The following B3GALT1 variants were observed in gnomAD, a reference collection of about 807,000 sequenced individuals.
B3GALT1 encodes beta-1,3-galactosyltransferase 1.
Under a neutral mutation model 23.2 loss-of-function variants are expected in B3GALT1, and 10 were observed. The ratio of observed to expected loss-of-function variants is 0.43; its 90% CI spans 0.27 to 0.73. B3GALT1 has a LOEUF of 0.73. Ranked by LOEUF, B3GALT1 falls within the 30% of genes least tolerant of loss-of-function variation. The pLI, the probability that B3GALT1 is intolerant of heterozygous loss-of-function variation, is 0.21. For missense variants in B3GALT1, 299 were observed against 405.4 expected, an observed-to-expected ratio of 0.74 and a Z score of 2.25; for synonymous variants, 156 against 141.5, an observed-to-expected ratio of 1.10 and a Z score of -0.73.
At chr2:167,412,243 TAAAG>T (rs1467582428) in intron 1 of B3GALT1, among the ~76,000 whole-genome samples, 4 of 152,120 alleles carry the variant, frequency 2.6e-5, no homozygotes, top group African/African-American at 9.7e-5. Flanking sequence ...AGAAAAGTAA[TAAAG>T]AAGTAAATCG....
chr2:167,516,970 ATG>A (rs3062677), intron 2 of B3GALT1, among the ~76,000 whole-genome samples: 8,437 of 52,634 alleles, frequency 0.16, 474 homozygotes, highest in African/African-American at 0.48. Flanking sequence ...ATATATATAT[ATG>A]ACACTTAAGC....
chr2:167,358,865 C>T (rs1040518821), intron 1 of B3GALT1, among the ~76,000 whole-genome samples: 4 of 152,120 alleles, frequency 2.6e-5, no homozygotes, highest in African/African-American at 9.7e-5. Context: ...TGCAGTGGCG[C>T]AATCTTGGCT....
intron 3 of B3GALT1, among the ~76,000 whole-genome samples, chr2:167,746,039 C>T (rs1687646895): frequency 6.6e-6 from 1 of 152,094 alleles, no homozygotes; most frequent in South Asian, 2.1e-4. Flanking sequence ...TCTCCTGAGT[C>T]AGATGAATTG....
intron 3 of B3GALT1, among the ~76,000 whole-genome samples, chr2:167,748,869 A>G (rs1687691652): frequency 1.3e-5 from 2 of 152,178 alleles, no homozygotes; most frequent in South Asian, 2.1e-4. Context: ...CTGCTCAATA[A>G]TAAGTGATGA....
chr2:167,297,542 C>T (rs568159916), intron 1 of B3GALT1, among the ~76,000 whole-genome samples: 72 of 152,100 alleles, frequency 4.7e-4, no homozygotes, highest in Middle Eastern at 6.8e-3. Context: ...AATAGATTTG[C>T]GTATGCAGTC....
chr2:167,359,618 A>G (rs1369267007), intron 1 of B3GALT1, among the ~76,000 whole-genome samples: 19 of 152,222 alleles, frequency 1.2e-4, no homozygotes, highest in Admixed American at 6.5e-4. Flanking sequence ...CCTCCTGGCT[A>G]ACCATGACAA....
intron 3 of B3GALT1, among the ~76,000 whole-genome samples, chr2:167,697,364 A>G (rs1574218539): frequency 6.6e-6 from 1 of 152,182 alleles, no homozygotes; most frequent in African/African-American, 2.4e-5. Context: ...TCAAAGCTCC[A>G]CACCTGGGCT....
chr2:167,865,197 T>C (rs1252497769), intron 4 of B3GALT1, among the ~76,000 whole-genome samples: 1 of 150,180 alleles, frequency 6.7e-6, no homozygotes, highest in Non-Finnish European at 1.5e-5. Context: ...TCACCTGAGG[T>C]CAGGAGTTGG....
chr2:167,604,269 C>G (rs1684925573), intron 2 of B3GALT1, among the ~76,000 whole-genome samples: 2 of 152,000 alleles, frequency 1.3e-5, no homozygotes, highest in Admixed American at 1.3e-4. Flanking sequence ...TCAGCTGCCC[C>G]CATGTGATTA....
At chr2:167,494,667 A>G (rs1209993022) in intron 2 of B3GALT1, among the ~76,000 whole-genome samples, 2 of 152,182 alleles carry the variant, frequency 1.3e-5, no homozygotes, top group African/African-American at 4.8e-5. Context: ...AATCTAGATG[A>G]GGCAAATTAA....
chr2:167,854,634 G>T (rs932524043), intron 4 of B3GALT1, among the ~76,000 whole-genome samples: 1 of 152,152 alleles, frequency 6.6e-6, no homozygotes, highest in East Asian at 1.9e-4. Context: ...TTGCCCAGAG[G>T]TATCTGATGG....
At chr2:167,633,490 G>GAA (rs879294826) in intron 2 of B3GALT1, among the ~76,000 whole-genome samples, 1 of 142,522 alleles carries the variant, frequency 7.0e-6, no homozygotes, top group Non-Finnish European at 1.5e-5. Flanking sequence ...CAAATGGAAA[G>GAA]AAAAAAAAAA....
intron 1 of B3GALT1, among the ~76,000 whole-genome samples, chr2:167,405,870 A>G (rs1042898882): frequency 9.9e-5 from 15 of 152,154 alleles, no homozygotes; most frequent in African/African-American, 3.1e-4. Context: ...AGAATTATAT[A>G]CTCTAAGGAC....
intron 1 of B3GALT1, among the ~76,000 whole-genome samples, chr2:167,439,467 C>T (rs1045591676): frequency 6.6e-6 from 1 of 151,954 alleles, no homozygotes; most frequent in African/African-American, 2.4e-5. Context: ...ATATACTTTT[C>T]CCAGTCTGAG....
chr2:167,510,080 A>T (rs1034918562), intron 2 of B3GALT1, among the ~76,000 whole-genome samples: 1 of 152,154 alleles, frequency 6.6e-6, no homozygotes, highest in African/African-American at 2.4e-5. Context: ...ATCAAAGCAG[A>T]CTCACAATGA....
At chr2:167,825,782 C>T (rs1278506791) in intron 4 of B3GALT1, among the ~76,000 whole-genome samples, 1 of 152,138 alleles carries the variant, frequency 6.6e-6, no homozygotes, top group Non-Finnish European at 1.5e-5. Flanking sequence ...GGAGTCTGTG[C>T]CACAGCCCTT....
At chr2:167,386,016 C>G (rs1697925236) in intron 1 of B3GALT1, among the ~76,000 whole-genome samples, 1 of 152,130 alleles carries the variant, frequency 6.6e-6, no homozygotes, top group Admixed American at 6.5e-5. Flanking sequence ...AACTTTTTAT[C>G]TTTCTTCATT....
intron 3 of B3GALT1, among the ~76,000 whole-genome samples, chr2:167,672,686 G>A (rs1372470815): frequency 1.3e-5 from 2 of 152,068 alleles, no homozygotes; most frequent in Non-Finnish European, 2.9e-5. Context: ...GTTGTAATAA[G>A]GATTAAATAA....
intron 2 of B3GALT1, among the ~76,000 whole-genome samples, chr2:167,505,124 A>G (rs1308409711): frequency 6.6e-6 from 1 of 152,220 alleles, no homozygotes; most frequent in Non-Finnish European, 1.5e-5. Flanking sequence ...GGGTGAATCT[A>G]TGTATACAAA....
Sources: gnomAD v4.1 joint callset for allele counts (sites outside exome capture counted in the v4.1 genomes callset) on GRCh38, gnomAD v4.1.1 for gene constraint, MANE v1.5 for transcripts, NCBI Gene and HGNC (gene_info 2026-07-23, HGNC 2026-07-21) for gene names.